Variants in SPTBN2 observed in about 807,000 individuals in gnomAD.
The protein encoded by SPTBN2 is spectrin beta, non-erythrocytic 2.
In SPTBN2, 107 loss-of-function variants were observed where a neutral mutation model predicts 284.2. The ratio of observed to expected loss-of-function variants is 0.38; its 90% CI spans 0.32 to 0.44. The LOEUF (loss-of-function observed/expected upper bound fraction) is 0.44, where lower values mean the gene tolerates loss of function less well. SPTBN2 is among the 20% of genes least tolerant of loss of function. SPTBN2 has a pLI of 1.00. For missense variants in SPTBN2, 2,569 were observed against 3,287.1 expected, an observed-to-expected ratio of 0.78 and a Z score of 5.34; for synonymous variants, 1,289 against 1,354.8, an observed-to-expected ratio of 0.95 and a Z score of 1.07.
At chr11:66,730,349 C>T (rs183059209), upstream of SPTBN2, among the ~76,000 whole-genome samples, 30 of 151,630 alleles carry the variant, frequency 2.0e-4, no homozygotes, top group Admixed American at 7.2e-4. Flanking sequence ...TTTGGGAGGC[C>T]GAGGCAGGTG....
At chr11:66,729,690 A>G (rs1436016229), upstream of SPTBN2, among the ~76,000 whole-genome samples, 1 of 152,192 alleles carries the variant, frequency 6.6e-6, no homozygotes, top group African/African-American at 2.4e-5. Context: ...GGGGAGTTCC[A>G]TTGAAAGATT....
intron 20 of SPTBN2, among the ~76,000 whole-genome samples, chr11:66,697,960 A>C (rs1198021297): frequency 6.6e-6 from 1 of 152,194 alleles, no homozygotes; most frequent in Non-Finnish European, 1.5e-5. Context: ...GAGAAAAGGA[A>C]AGTGTCTTTT....
In SPTBN2 at chr11:66,687,923, A is replaced by G; in HGVS notation, c.6451-5T>C. The G allele has an allele frequency of 6.2e-7, 1 of 1,614,182 alleles. No homozygotes were observed. The highest frequency in any genetic ancestry group is 8.5e-7 in the Non-Finnish European group (1 of 1,180,036). ...TCTCTGTTGTCCCAGCAGGGGCTGC[A>G]AGGACAAGAATCTGTAAAAGGATGT... On this transcript the variant is annotated splice_region_variant and splice_polypyrimidine_tract_variant and intron_variant, in intron 33 of 37. Coordinates refer to ENST00000533211, the MANE Select transcript of SPTBN2 (RefSeq NM_006946.4). This position sits in a 1 kb window ranked among gnomAD's most constrained non-coding sequence, Gnocchi z 5.2.
chr11:66,701,267 C>A lies in SPTBN2; in HGVS notation c.2832G>T (p.Arg944=), dbSNP rs1468194811. 2 of 1,612,542 alleles carry A rather than the reference C, an allele frequency of 1.2e-6. No individual in the cohort carries two copies. Among genetic ancestry groups the A allele is most frequent in the South Asian group, 2.2e-5 (2 of 91,084 alleles). The change falls in exon 17 of 38, where the codon CGG becomes CGT. Residue 944 remains arginine, a synonymous_variant. Coordinates refer to ENST00000533211, the MANE Select transcript of SPTBN2 (RefSeq NM_006946.4). ...EQLNHRWQQF[R]RLADGKKAAL... ...CTGCCTTCTTGCCGTCTGCCAGACG[C>A]CGAAACTGCTGCCACCTGAGAGCAG...
intron 25 of SPTBN2, 101 bp downstream of exon 25, chr11:66,692,869 G>A (rs1940654087): frequency 1.9e-6 from 3 of 1,595,394 alleles, no homozygotes; most frequent in Non-Finnish European, 2.5e-6. Context: ...CTTTCTAGAA[G>A]GCTCCGTGCA....
intron 13 of SPTBN2, among the ~76,000 whole-genome samples, chr11:66,706,124 C>A (rs1440444311): frequency 1.3e-5 from 2 of 152,154 alleles, no homozygotes; most frequent in Admixed American, 6.5e-5. Flanking sequence ...GCCACCGCTC[C>A]GCCCCAGCAC....
At chr11:66,697,671 A>C (rs113366598) in intron 20 of SPTBN2, among the ~76,000 whole-genome samples, 1 of 152,078 alleles carries the variant, frequency 6.6e-6, no homozygotes, top group South Asian at 2.1e-4. Context: ...TAGAATTTCC[A>C]TATCTCCTCT....
chr11:66,708,067 G>T lies in SPTBN2; in HGVS notation c.1350+74C>A, dbSNP rs142817733. Reference sequence around the variant, plus strand: ...TTGTGTTTCATTGTCTCTCCACCCCGCGGGGCTTCTTATCCACCCTGTCTC... The same window carrying T: ...TTGTGTTTCATTGTCTCTCCACCCCTCGGGGCTTCTTATCCACCCTGTCTC... On this transcript the variant is annotated intron_variant, in intron 12 of 37. Transcript: ENST00000533211. This position sits in a 1 kb window ranked among gnomAD's most constrained non-coding sequence, Gnocchi z 4.4. 69 of 1,600,718 alleles carry T rather than the reference G, an allele frequency of 4.3e-5. 1 individual carries two copies. In the Middle Eastern group the frequency reaches 5.3e-3, roughly 123 times the overall value.
Position 66,707,687 on chromosome 11 carries a change from C to T in SPTBN2, c.1482G>A (p.Glu494=). 1 of 1,605,736 alleles carries T rather than the reference C, an allele frequency of 6.2e-7. No individual in the cohort carries two copies. Among genetic ancestry groups the T allele is most frequent in the Non-Finnish European group, 8.5e-7 (1 of 1,179,400 alleles). The change falls in exon 13 of 38, where the codon GAG becomes GAA. Residue 494 remains glutamate (E), a synonymous_variant. Coordinates refer to ENST00000533211, the MANE Select transcript of SPTBN2 (RefSeq NM_006946.4). The surrounding 1 kb of genome is among the most constrained non-coding windows in gnomAD (Gnocchi z 4.9). The part of the protein sequence containing the change: ...VDAVAAELAA[E]RYHDIKRIAA... Reference sequence around the variant, plus strand: ...CGATGCGCTTGATGTCGTGGTAGCGCTCGGCGGCCAGCTCTGCAGCCACGG... The same window carrying T: ...CGATGCGCTTGATGTCGTGGTAGCGTTCGGCGGCCAGCTCTGCAGCCACGG...
rs1941602211 is a variant in SPTBN2 at position 66,707,107 on chromosome 11, C to G, written c.1653+409G>C. On this transcript the variant is annotated intron_variant, in intron 13 of 37. Coordinates refer to ENST00000533211, the MANE Select transcript of SPTBN2 (RefSeq NM_006946.4). This position sits in a 1 kb window ranked among gnomAD's most constrained non-coding sequence, Gnocchi z 4.9. ...CTGATCCTGAACACACCATGCTGATCCAGGCCGAGGGCCTGTGCCGGCTGT... is the reference window on the plus strand; with the variant it reads ...CTGATCCTGAACACACCATGCTGATGCAGGCCGAGGGCCTGTGCCGGCTGT... 6.6e-6 allele frequency among the ~76,000 whole-genome samples: 1 copy of G among 152,262 alleles called. No homozygotes were observed. The highest frequency in any genetic ancestry group is 2.1e-4 in the South Asian group (1 of 4,836).
chr11:66,724,173 C>T (rs1313762093), intron 1 of SPTBN2, among the ~76,000 whole-genome samples: 1 of 152,208 alleles, frequency 6.6e-6, no homozygotes, highest in African/African-American at 2.4e-5. Flanking sequence ...GTAATCCCAG[C>T]ACTTTGGGAG....
chr11:66,714,775 C>A (rs1942057550), intron 5 of SPTBN2, among the ~76,000 whole-genome samples: 1 of 152,080 alleles, frequency 6.6e-6, no homozygotes, highest in Non-Finnish European at 1.5e-5. Context: ...ATCAGGAACG[C>A]TGTGATGGCA....
chr11:66,743,137 C>T (rs560225049), intron 1 of SPTBN2, among the ~76,000 whole-genome samples: 7 of 50,370 alleles, frequency 1.4e-4, no homozygotes, highest in African/African-American at 5.6e-4. Context: ...GGGAGCTCTG[C>T]GGGGGGTGTG....
chr11:66,688,511 TGTG>T (rs1940309709), intron 31 of SPTBN2, 139 bp downstream of exon 31: 4 of 1,454,826 alleles, frequency 2.7e-6, no homozygotes, highest in East Asian at 2.5e-5. Flanking sequence ...CTCCTAAAGG[TGTG>T]GTGACAATGG....
At position 66,684,345 on chromosome 11, in the gene SPTBN2, G is replaced by A. The variant is rs574707539; in HGVS notation, c.*1526C>T. ...TTCTAATACTTCATCAGATCCAGAA[G>A]GTAGTCTCAGCTGGGCATGGTGGCT... On this transcript the variant is annotated 3_prime_UTR_variant, in exon 38 of 38. Coordinates refer to ENST00000533211, the MANE Select transcript of SPTBN2 (RefSeq NM_006946.4). Among the ~76,000 whole-genome samples the A allele has an allele frequency of 2.0e-5, 3 of 152,282 alleles. No individual in the cohort carries two copies. Among genetic ancestry groups the A allele is most frequent in the South Asian group, 4.1e-4 (2 of 4,824 alleles).
intron 1 of SPTBN2, among the ~76,000 whole-genome samples, chr11:66,727,609 T>C (rs1488396452): frequency 1.3e-5 from 2 of 151,808 alleles, no homozygotes; most frequent in Non-Finnish European, 2.9e-5. Flanking sequence ...AAGCGTCTGC[T>C]TTCTCCCCGG....
rs1428729330 is a variant in SPTBN2, at chr11:66,701,632, G to A, written c.2768C>T (p.Pro923Leu). 2.5e-6 allele frequency: 4 copies of A among 1,614,074 alleles called. No individual in the cohort carries two copies. The South Asian group carries it at 3.3e-5, about 13-fold the overall frequency. Residue 923 changes from proline to leucine, a missense_variant, in exon 16 of 38, where the codon CCC becomes CTC. Transcript: ENST00000533211. ...DIAEQLLKAN[P>L]PGKDRIVNTQ... ...GTTGACAATGCGGTCTTTGCCTGGG[G>A]GGTTGGCCTTCAGTAACTGCTCGGC...
chr11:66,714,296 C>T lies in SPTBN2; in HGVS notation c.575+20G>A. 6.2e-7 allele frequency: 1 copy of T among 1,613,292 alleles called. No homozygotes were observed. The highest frequency in any genetic ancestry group is 1.1e-5 in the South Asian group (1 of 91,038). The stretch of plus-strand genomic sequence containing the variant: ...GGGGGTCACTGACCCTCCAGTGCCA[C>T]ACGCCCAGGGTGTCCTCACCCTGCA... On this transcript the variant is annotated intron_variant, in intron 6 of 37. Coordinates refer to ENST00000533211, the MANE Select transcript of SPTBN2 (RefSeq NM_006946.4).
intron 29 of SPTBN2, among the ~76,000 whole-genome samples, 157 bp downstream of exon 29, chr11:66,689,648 A>G (rs1940398753): frequency 6.6e-6 from 1 of 152,180 alleles, no homozygotes; most frequent in Non-Finnish European, 1.5e-5. Context: ...GGTTCTGGGG[A>G]GAGATTTCCA....
Sources: gnomAD v4.1 joint callset for allele counts (sites outside exome capture counted in the v4.1 genomes callset) on GRCh38, gnomAD v4.1.1 for gene constraint, Gnocchi (gnomAD v3.1) non-coding constraint, MANE v1.5 for transcripts, NCBI Gene and HGNC (gene_info 2026-07-23, HGNC 2026-07-21) for gene names.